Variants in SMAD3 observed in about 807,000 individuals in gnomAD.
SMAD3 encodes MAD homolog 3.
A neutral mutation model predicts 51.8 loss-of-function variants in SMAD3; 12 were observed. The observed-to-expected ratio is 0.23, with a 90% CI of 0.15 to 0.38. SMAD3 has a LOEUF of 0.38. Among genes scored for constraint, SMAD3 ranks in the 10% least tolerant of loss-of-function variants. The pLI is 1.00. For synonymous variants in SMAD3, 238 were observed against 227.7 expected, an observed-to-expected ratio of 1.05 and a Z score of -0.41; for missense variants, 294 against 565.6, an observed-to-expected ratio of 0.52 and a Z score of 4.87.
chr15:67,181,919 G>A (rs903652935), intron 6 of SMAD3, among the ~76,000 whole-genome samples: 2 of 151,896 alleles, frequency 1.3e-5, no homozygotes, highest in African/African-American at 4.8e-5. Flanking sequence ...CCAAGTAGCT[G>A]GGATTACAGG....
In SMAD3 at chr15:67,191,406, C is replaced by T. The variant is rs1595967072; in HGVS notation, c.*870C>T. 3 of 233,448 alleles carry T rather than the reference C, an allele frequency of 1.3e-5. No individual in the cohort carries two copies. The East Asian group carries it at 1.8e-4, about 14-fold the overall frequency. The allele number at this position is 233,448 out of a possible 1,614,324, so 14.5% of individuals were successfully genotyped here. On this transcript the variant is annotated 3_prime_UTR_variant, in exon 9 of 9. Transcript: ENST00000327367. ...TGGCATTTGGTCTCAGGCAGCACCACACTGGGTGCGTCTCCAGTCATCTGT... is the reference window on the plus strand; with the variant it reads ...TGGCATTTGGTCTCAGGCAGCACCATACTGGGTGCGTCTCCAGTCATCTGT...
intron 5 of SMAD3, among the ~76,000 whole-genome samples, chr15:67,174,128 G>A (rs1962826055): frequency 6.6e-6 from 1 of 152,160 alleles, no homozygotes; most frequent in African/African-American, 2.4e-5. Flanking sequence ...CTGTATTGTG[G>A]CCTCTCCTCC....
intron 1 of SMAD3, among the ~76,000 whole-genome samples, chr15:67,081,791 T>G (rs1024486342): frequency 6.6e-6 from 1 of 152,150 alleles, no homozygotes; most frequent in African/African-American, 2.4e-5. Flanking sequence ...TCCTGGTATC[T>G]TGTTGGTCAG....
intron 1 of SMAD3, among the ~76,000 whole-genome samples, chr15:67,082,042 G>A (rs774241618): frequency 7.2e-5 from 11 of 152,000 alleles, no homozygotes; most frequent in Non-Finnish European, 1.3e-4. Context: ...GGTTTCCTTC[G>A]CTAAGTGAGA....
chr15:67,181,137 CTG>C (rs931289606), intron 5 of SMAD3, 102 bp from the exon 6 acceptor site: 2 of 874,886 alleles, frequency 2.3e-6, no homozygotes, highest in African/African-American at 3.3e-5. Flanking sequence ...TATAATCCCT[CTG>C]AAATGCGGGG....
At position 67,120,854 on chromosome 15, in the gene SMAD3, A is replaced by AT. The variant is rs368849389; in HGVS notation, c.207-44031dup. ...ATAAACTTTCTGAAAACATTGTAAG[A>AT]TTTTTTTTTTGCGATTATTTTTTAG... On this transcript the variant is annotated intron_variant, in intron 1 of 8. Coordinates refer to ENST00000327367, the MANE Select transcript of SMAD3 (RefSeq NM_005902.4). Among the ~76,000 whole-genome samples the AT allele has an allele frequency of 6.9e-3, 1,035 of 150,256 alleles. 11 individuals carry two copies. The highest frequency in any genetic ancestry group is 0.023 in the African/African-American group (944 of 40,972).
chr15:67,125,866 C>T (rs892825609), intron 1 of SMAD3: 16 of 985,310 alleles, frequency 1.6e-5, no homozygotes, highest in African/African-American at 1.2e-4. Context: ...AATTTATTGC[C>T]GCCGCTCGCT....
chr15:67,136,793 A>C (rs1257098572), intron 1 of SMAD3, among the ~76,000 whole-genome samples: 1 of 152,190 alleles, frequency 6.6e-6, no homozygotes, highest in African/African-American at 2.4e-5. Flanking sequence ...CCTCCACCCT[A>C]TAGAGATATT....
At chr15:67,143,400 T>C (rs1961886146) in intron 1 of SMAD3, among the ~76,000 whole-genome samples, 1 of 152,204 alleles carries the variant, frequency 6.6e-6, no homozygotes, top group Non-Finnish European at 1.5e-5. Context: ...TTTTGCTTGC[T>C]TTTTTCATTT....
chr15:67,164,758 A>G (rs1490924523), intron 1 of SMAD3, 137 bp from the exon 2 acceptor site: 1 of 936,798 alleles, frequency 1.1e-6, no homozygotes, highest in Non-Finnish European at 1.7e-6. Context: ...CAGTGCTCTG[A>G]TCTCCTGGAC....
At chr15:67,136,595 T>C (rs1325545901) in intron 1 of SMAD3, among the ~76,000 whole-genome samples, 1 of 152,174 alleles carries the variant, frequency 6.6e-6, no homozygotes, top group African/African-American at 2.4e-5. Flanking sequence ...CCTCCCAAAG[T>C]ACTGGGATTA....
rs113634632 is a variant in SMAD3 at position 67,148,054 on chromosome 15, T to C, written c.207-16841T>C. Among the ~76,000 whole-genome samples the C allele has an allele frequency of 3.9e-3, 588 of 152,336 alleles. 7 individuals are homozygous for C. Among genetic ancestry groups the C allele is most frequent in the African/African-American group, 0.014 (575 of 41,566 alleles). On this transcript the variant is annotated intron_variant, in intron 1 of 8. Transcript: ENST00000327367. Reference sequence around the variant, plus strand: ...TGATTACTTATTTGCTCTGCTGCTATATTATGATTCAGGTTTTCTCCAAGG... The same window carrying C: ...TGATTACTTATTTGCTCTGCTGCTACATTATGATTCAGGTTTTCTCCAAGG...
intron 1 of SMAD3, chr15:67,077,970 A>G (rs1960206460): frequency 6.6e-6 from 1 of 152,204 alleles, no homozygotes; most frequent in Non-Finnish European, 1.5e-5. Context: ...CCACCACTCT[A>G]TCGTTTCTTG....
intron 1 of SMAD3, among the ~76,000 whole-genome samples, chr15:67,086,839 C>A (rs1460094885): frequency 6.6e-6 from 1 of 151,788 alleles, no homozygotes; most frequent in East Asian, 1.9e-4. Flanking sequence ...GAACGTGGAC[C>A]TGAGCAAGCA....
chr15:67,181,498 A>G (rs1451092006), intron 6 of SMAD3, 45 bp downstream of exon 6: 1 of 1,153,330 alleles, frequency 8.7e-7, no homozygotes. Context: ...TGCCCCTGCC[A>G]CTCTATCCCA....
chr15:67,149,152 A>G (rs1962058030), intron 1 of SMAD3, among the ~76,000 whole-genome samples: 1 of 152,238 alleles, frequency 6.6e-6, no homozygotes, highest in Admixed American at 6.5e-5. Flanking sequence ...TGGACCTCCA[A>G]GGGCTCTGTC....
chr15:67,074,175 C>T (rs1391601949), intron 1 of SMAD3, among the ~76,000 whole-genome samples: 2 of 152,218 alleles, frequency 1.3e-5, no homozygotes, highest in Non-Finnish European at 2.9e-5. Context: ...CTCTGTGAGT[C>T]TAAATCAGTG....
chr15:67,187,619 C>A, intron 8 of SMAD3, 110 bp downstream of exon 8: 2 of 1,381,422 alleles, frequency 1.4e-6, no homozygotes, highest in East Asian at 2.3e-5. Flanking sequence ...GCGTCAAGAG[C>A]AGAAAGACCA....
chr15:67,080,954 C>G (rs1451538724), intron 1 of SMAD3, among the ~76,000 whole-genome samples: 1 of 152,214 alleles, frequency 6.6e-6, no homozygotes, highest in Non-Finnish European at 1.5e-5. Flanking sequence ...TCTCTCAACT[C>G]TCCAACCAGA....
Sources: gnomAD v4.1 joint callset for allele counts (sites outside exome capture counted in the v4.1 genomes callset) on GRCh38, gnomAD v4.1.1 for gene constraint, MANE v1.5 for transcripts, NCBI Gene and HGNC (gene_info 2026-07-23, HGNC 2026-07-21) for gene names.